Variants in FASN observed in about 807,000 individuals in gnomAD.
FASN encodes the protein 3-hydroxyacyl-[acyl-carrier-protein] dehydratase.
Under a neutral mutation model 250.0 loss-of-function variants are expected in FASN, and 50 were observed. That is an observed-to-expected ratio of 0.20 (90% CI 0.16 to 0.25). The LOEUF is 0.25. FASN is among the 10% of genes least tolerant of loss of function. The probability of loss-of-function intolerance (pLI) is 1.00; values close to 1 mark genes in which losing one functional copy is unlikely to be tolerated. For synonymous variants in FASN, 1,909 were observed against 1,584.0 expected (o/e 1.21, Z -4.87); for missense variants, 3,031 against 3,498.5 (o/e 0.87, Z 3.37).
chr17:82,079,065 TCC>T lies in FASN; in HGVS notation c.*76_*77del, dbSNP rs2033939977. 1.4e-6 allele frequency: 2 copies of T among 1,421,978 alleles called. No individual in the cohort carries two copies. Among genetic ancestry groups the T allele is most frequent in the Admixed American group, 4.6e-5 (2 of 43,592 alleles). 88.1% of individuals were successfully genotyped at this position (1,421,978 alleles called of 1,614,324 possible). A position where few individuals can be genotyped will look rare whatever the true frequency, so the allele number is the denominator to read the frequency against. Reference sequence around the variant, plus strand: ...GGGTCCCACCGGCAGGACCCTTCAATCCCGTTGCATGGCGGGGGTGGGGTGGG... The same window carrying T: ...GGGTCCCACCGGCAGGACCCTTCAATCGTTGCATGGCGGGGGTGGGGTGGG... On this transcript the variant is annotated 3_prime_UTR_variant, in exon 43 of 43. Transcript: ENST00000306749.
chr17:82,097,823 G>A (rs1487524078), intron 1 of FASN, among the ~76,000 whole-genome samples: 3 of 152,122 alleles, frequency 2.0e-5, no homozygotes, highest in African/African-American at 7.2e-5. Context: ...GGCCGAGCCG[G>A]GGGCTCCTCC....
At position 82,083,241 on chromosome 17, in the gene FASN, G is replaced by A; in HGVS notation, c.5526C>T (p.Tyr1842=). The part of the protein sequence containing the change: ...HGAQVEDAFR[Y]MAQGKHIGKV... ...TGCCAATGTGCTTCCCTTGGGCCAT[G>A]TAGCGGAAGGCGTCCTCCACCTGGG... Residue 1842 remains tyrosine (Y), a synonymous_variant, in exon 32 of 43, where the codon TAC becomes TAT. Transcript: ENST00000306749. 6.2e-7 allele frequency: 1 copy of A among 1,612,784 alleles called. No individual in the cohort carries two copies. Among genetic ancestry groups the A allele is most frequent in the Non-Finnish European group, 8.5e-7 (1 of 1,179,988 alleles).
rs780846548 is a variant in FASN, at chr17:82,082,017, C to G, written c.6155G>C (p.Gly2052Ala). The change falls in exon 36 of 43, where the codon GGC (glycine) becomes GCC (alanine). Residue 2052 changes from glycine to alanine, a missense_variant. Physicochemically the swap from Gly to Ala is moderately conservative, Grantham distance 60. Transcript: ENST00000306749. ...GAGAGGGTGGGGCCCACCTGGGAGG[C>G]CTTCGTGCCGGCGTTTCTCACAGAT... Reference protein sequence around the residue: ...ERICEKRRHEGLPGLAVQWGA... With the variant: ...ERICEKRRHEALPGLAVQWGA... 365 of 1,608,244 alleles carry G rather than the reference C, an allele frequency of 2.3e-4. No individual in the cohort carries two copies. The highest frequency in any genetic ancestry group is 2.8e-4 in the Non-Finnish European group (334 of 1,179,900).
chr17:82,081,565 G>A, intron 37 of FASN, 36 bp downstream of exon 37: 1 of 1,609,674 alleles, frequency 6.2e-7, no homozygotes, highest in Non-Finnish European at 8.5e-7. Flanking sequence ...GCCAGCAGGG[G>A]AAACACCTGG....
At position 82,088,416 on chromosome 17, in the gene FASN, G is replaced by A. The variant is rs561030804; in HGVS notation, c.2567C>T (p.Ser856Phe). The change falls in exon 16 of 43, where the codon TCC (serine) becomes TTC (phenylalanine). Residue 856 changes from serine (S) to phenylalanine (F), a missense_variant. By Grantham distance (155) the Ser-to-Phe change is radical. Transcript: ENST00000306749. ...GATGTTGTAGATGGCGGCTGAGGGG[G>A]AACCTGAACCGTTGGGGAAGTCCTC... ...AAEDFPNGSG[S>F]PSAAIYNIDT... The A allele has an allele frequency of 1.4e-5, 22 of 1,612,222 alleles. No homozygotes were observed. In the East Asian group the frequency reaches 2.9e-4, roughly 21 times the overall value.
rs1206085529 is a variant in FASN, at chr17:82,082,381, G to A, written c.5953C>T (p.Pro1985Ser). The A allele has an allele frequency of 6.2e-7, 1 of 1,612,888 alleles. No homozygotes were observed. The highest frequency in any genetic ancestry group is 2.2e-5 in the East Asian group (1 of 44,884). Residue 1985 changes from proline (P) to serine (S), a missense_variant, in exon 35 of 43, where the codon CCA (proline) becomes TCA (serine). Pro to Ser is a moderately conservative substitution (Grantham distance 74). Coordinates refer to ENST00000306749, the MANE Select transcript of FASN (RefSeq NM_004104.5). ...TTGCAGACGTCCTGGAAGAACTCTG[G>A]GGTCTGGTTCTCCAGCAAGCCATCT... ...LRDGLLENQT[P>S]EFFQDVCKPK...
In FASN at chr17:82,092,817, G is replaced by A. The variant is rs199949654; in HGVS notation, c.779-5C>T. ...CCCCTGAGGGGAAGGTCACGCCTGC[G>A]GAGGGCTCGGCTCAGTGCTGCAGCC... On this transcript the variant is annotated splice_region_variant and splice_polypyrimidine_tract_variant and intron_variant, in intron 6 of 42. Transcript: ENST00000306749. The A allele has an allele frequency of 5.6e-4, 890 of 1,591,118 alleles. 12 individuals are homozygous for A. The South Asian group carries it at 7.8e-3, about 14-fold the overall frequency.
intron 15 of FASN, 64 bp from the exon 16 acceptor site, chr17:82,088,626 C>T: frequency 6.4e-7 from 1 of 1,554,150 alleles, no homozygotes; most frequent in South Asian, 1.1e-5. Flanking sequence ...TGGGTTCAGC[C>T]CACCCACTGC....
intron 4 of FASN, 78 bp from the exon 5 acceptor site, chr17:82,093,497 G>A (rs1463349350): frequency 1.9e-6 from 3 of 1,588,342 alleles, no homozygotes; most frequent in Non-Finnish European, 2.6e-6. Context: ...CCACCAGGCT[G>A]GACACACACT....
chr17:82,092,872 AC>A, intron 6 of FASN, 24 bp downstream of exon 6: 1 of 1,590,870 alleles, frequency 6.3e-7, no homozygotes. Flanking sequence ...GCCCCCCAGC[AC>A]CCCGGAACCC....
chr17:82,088,829 C>T lies in FASN; in HGVS notation c.2352G>A (p.Leu784=). 1 of 1,612,580 alleles carries T rather than the reference C, an allele frequency of 6.2e-7. No homozygotes were observed. The highest frequency in any genetic ancestry group is 8.5e-7 in the Non-Finnish European group (1 of 1,179,820). ...GLKPSCTIIP[L]MKKDHRDNLE... ...GGTTGTCCCTGTGATCCTTCTTCAT[C>T]AGGGGGATGATGGTGCAGCTCGGCT... Residue 784 remains leucine, a synonymous_variant, in exon 15 of 43, where the codon CTG becomes CTA. Coordinates refer to ENST00000306749, the MANE Select transcript of FASN (RefSeq NM_004104.5).
chr17:82,086,466 A>C lies in FASN; in HGVS notation c.3520T>G (p.Ser1174Ala), dbSNP rs2034102561. ...AACAGCCGGGGCAGTTCCTGCTGTG[A>C]GGGGTCCCGGGGGATCTGGGCCCCA... ...LDGAQIPRDP[S>A]QQELPRLLSA... Residue 1174 changes from serine (S) to alanine (A), a missense_variant, in exon 22 of 43, where the codon TCA becomes GCA. Coordinates refer to ENST00000306749, the MANE Select transcript of FASN (RefSeq NM_004104.5). 3.1e-6 allele frequency: 5 copies of C among 1,612,422 alleles called. No individual in the cohort carries two copies. The highest frequency in any genetic ancestry group is 1.7e-6 in the Non-Finnish European group (2 of 1,179,932).
chr17:82,096,041 G>A (rs947614124), intron 2 of FASN, among the ~76,000 whole-genome samples: 15 of 152,252 alleles, frequency 9.9e-5, no homozygotes, highest in African/African-American at 1.9e-4. Flanking sequence ...GCCAGCCCTC[G>A]GCCTTGCAGC....
At position 82,085,274 on chromosome 17, in the gene FASN, C is replaced by T. The variant is rs749909107; in HGVS notation, c.4251G>A (p.Val1417=). ...TPQDSPIFLP[V]DDTSFRWVES... is the part of the protein sequence containing the mutation. ...CCACCCAGCGGAAGCTGGTATCGTC[C>T]ACCGGCAGGAAGATGGGGCTGTCCT... Residue 1417 remains valine, a synonymous_variant, in exon 24 of 43, where the codon GTG becomes GTA. Coordinates refer to ENST00000306749, the MANE Select transcript of FASN (RefSeq NM_004104.5). The T allele has an allele frequency of 3.1e-6, 5 of 1,611,494 alleles. No homozygotes were observed. Among genetic ancestry groups the T allele is most frequent in the East Asian group, 4.5e-5 (2 of 44,846 alleles).
At position 82,084,326 on chromosome 17, in the gene FASN, G is replaced by A. The variant is rs761650372; in HGVS notation, c.4827C>T (p.Ser1609=). 25 of 1,609,828 alleles carry A rather than the reference G, an allele frequency of 1.6e-5. No homozygotes were observed. Among genetic ancestry groups the A allele is most frequent in the Admixed American group, 6.7e-5 (4 of 59,618 alleles). ...GCACCAGTCCCATCACACGCTTGCC[G>A]CTGGCGTCTCGGCCCGAGAACTCCA... ...LGMEFSGRDA[S]GKRVMGLVPA... The change falls in exon 28 of 43, where the codon AGC becomes AGT. Residue 1609 remains serine, a synonymous_variant. Coordinates refer to ENST00000306749, the MANE Select transcript of FASN (RefSeq NM_004104.5).
chr17:82,095,949 C>T (rs541384590), intron 2 of FASN, among the ~76,000 whole-genome samples: 5 of 152,372 alleles, frequency 3.3e-5, no homozygotes, highest in African/African-American at 1.2e-4. Context: ...CCCCCGCACC[C>T]CCTGCATGGG....
intron 1 of FASN, among the ~76,000 whole-genome samples, chr17:82,097,085 C>G (rs2144814437): frequency 6.6e-6 from 1 of 152,332 alleles, no homozygotes; most frequent in East Asian, 1.9e-4. Flanking sequence ...ATGGGGATAG[C>G]CTATGCTCTG....
chr17:82,092,822 G>A lies in FASN; in HGVS notation c.779-10C>T, dbSNP rs565817798. 6.0e-5 allele frequency: 95 copies of A among 1,588,258 alleles called. 1 individual carries two copies. The South Asian group carries it at 9.5e-4, about 16-fold the overall frequency. Reference sequence around the variant, plus strand: ...GAGGGGAAGGTCACGCCTGCGGAGGGCTCGGCTCAGTGCTGCAGCCCCAGC... The same window carrying A: ...GAGGGGAAGGTCACGCCTGCGGAGGACTCGGCTCAGTGCTGCAGCCCCAGC... On this transcript the variant is annotated splice_polypyrimidine_tract_variant and intron_variant, in intron 6 of 42. Transcript: ENST00000306749.
intron 6 of FASN, 29 bp downstream of exon 6, chr17:82,092,868 C>A (rs76627909): frequency 6.3e-7 from 1 of 1,591,112 alleles, no homozygotes; most frequent in Admixed American, 1.8e-5. Context: ...ACCTGCCCCC[C>A]AGCACCCCGG....
Sources: gnomAD v4.1 joint callset for allele counts (sites outside exome capture counted in the v4.1 genomes callset) on GRCh38, gnomAD v4.1.1 for gene constraint, MANE v1.5 for transcripts, NCBI Gene and HGNC (gene_info 2026-07-23, HGNC 2026-07-21) for gene names.